Variants in KALRN observed in about 807,000 individuals in gnomAD.
The protein encoded by KALRN is kalirin.
In KALRN, 70 loss-of-function variants were observed where a neutral mutation model predicts 353.7. The observed-to-expected ratio is 0.20, with a 90% CI of 0.16 to 0.24. The LOEUF (loss-of-function observed/expected upper bound fraction) is 0.24, where lower values mean the gene tolerates loss of function less well. Among genes scored for constraint, KALRN ranks in the 10% least tolerant of loss-of-function variants. KALRN has a pLI of 1.00. For synonymous variants in KALRN, 1,391 were observed against 1,434.8 expected (o/e 0.97, Z 0.69); for missense variants, 2,791 against 3,756.7 (o/e 0.74, Z 6.72).
intron 57 of KALRN, among the ~76,000 whole-genome samples, chr3:124,706,953 T>C (rs1233836017): frequency 3.9e-5 from 6 of 152,166 alleles, no homozygotes; most frequent in Non-Finnish European, 8.8e-5. Context: ...CTGTAGCCTT[T>C]ATCTCCCACT....
chr3:124,567,183 T>C (rs1295278637), intron 34 of KALRN, among the ~76,000 whole-genome samples: 1 of 152,084 alleles, frequency 6.6e-6, no homozygotes, highest in Non-Finnish European at 1.5e-5. Flanking sequence ...GTCAGTATTT[T>C]TAAGTGTTCC....
intron 1 of KALRN, among the ~76,000 whole-genome samples, chr3:124,069,354 AGGAGGAGG>A (rs1559899907): frequency 7.0e-6 from 1 of 142,038 alleles, no homozygotes; most frequent in Non-Finnish European, 1.6e-5. Context: ...GAGGAGGAGG[AGGAGGAGG>A]AGGAGGAGGA....
At chr3:124,210,643 C>T (rs1159608639) in intron 1 of KALRN, among the ~76,000 whole-genome samples, 1 of 152,108 alleles carries the variant, frequency 6.6e-6, no homozygotes, top group African/African-American at 2.4e-5. Flanking sequence ...GAAAAAAACA[C>T]AAAGGGAACT....
intron 32 of KALRN, among the ~76,000 whole-genome samples, chr3:124,496,018 C>CATATATATATATATATATATATAT (rs1418213646): frequency 3.0e-5 from 1 of 33,848 alleles, no homozygotes; most frequent in African/African-American, 1.6e-4. Context: ...TATATACACA[C>CATATATATATATATATATATATAT]ACATATATAC....
At chr3:124,476,275 G>A (rs1446982902) in intron 26 of KALRN, among the ~76,000 whole-genome samples, 1 of 150,928 alleles carries the variant, frequency 6.6e-6, no homozygotes, top group Non-Finnish European at 1.5e-5. Context: ...GCTTAGTTAA[G>A]TGACTTTGAA....
chr3:124,670,519 A>T (rs2086276891), intron 47 of KALRN, among the ~76,000 whole-genome samples: 1 of 151,888 alleles, frequency 6.6e-6, no homozygotes, highest in South Asian at 2.1e-4. Context: ...AGATGTGTGC[A>T]GGCATCTCAG....
intron 3 of KALRN, among the ~76,000 whole-genome samples, chr3:124,243,883 T>C (rs10934660): frequency 0.28 from 42,812 of 152,162 alleles, 7,284 homozygotes; most frequent in Non-Finnish European, 0.37. Flanking sequence ...GGCAGTTTCT[T>C]TCCCTTCCCT....
chr3:124,533,389 C>T (rs2068225405), intron 33 of KALRN, among the ~76,000 whole-genome samples: 1 of 152,042 alleles, frequency 6.6e-6, no homozygotes, highest in Non-Finnish European at 1.5e-5. Flanking sequence ...TGTCTATAGT[C>T]CTAGCACTTT....
chr3:124,404,353 C>G (rs1395220278), intron 13 of KALRN, among the ~76,000 whole-genome samples: 1 of 152,072 alleles, frequency 6.6e-6, no homozygotes, highest in African/African-American at 2.4e-5. Flanking sequence ...TATATATCCT[C>G]TATTTTATTC....
At chr3:124,474,853 A>G in intron 26 of KALRN, 121 bp downstream of exon 26, 2 of 795,982 alleles carry the variant, frequency 2.5e-6, no homozygotes, top group South Asian at 1.4e-5. Flanking sequence ...GAGAGGGACC[A>G]TGAGTAGGTC....
chr3:124,310,692 G>A (rs1347693199), intron 6 of KALRN, among the ~76,000 whole-genome samples: 2 of 152,018 alleles, frequency 1.3e-5, no homozygotes, highest in Non-Finnish European at 2.9e-5. Flanking sequence ...AATGGTGCTG[G>A]GACAACTGGA....
Position 124,153,242 on chromosome 3 carries a change from T to C in KALRN, c.74-74748T>C, listed in dbSNP as rs1006932549. Among the ~76,000 whole-genome samples, 156 of 146,932 alleles carry C rather than the reference T, an allele frequency of 1.1e-3. 1 individual carries two copies. Among genetic ancestry groups the C allele is most frequent in the Non-Finnish European group, 1.3e-3 (89 of 66,260 alleles). Reference sequence around the variant, plus strand: ...TTAACTCATCATTTAGCATTAGGTATATCTCCTAATGCTATCCCTCCCCCC... The same window carrying C: ...TTAACTCATCATTTAGCATTAGGTACATCTCCTAATGCTATCCCTCCCCCC... On this transcript the variant is annotated intron_variant, in intron 1 of 59. Transcript: ENST00000682506.
chr3:124,045,090 G>A (rs1195519353), intron 1 of KALRN, among the ~76,000 whole-genome samples: 1 of 152,078 alleles, frequency 6.6e-6, no homozygotes, highest in East Asian at 1.9e-4. Flanking sequence ...TCTATGGGGT[G>A]GGGGCACAAT....
At chr3:124,479,716 ATTTTTTTTTT>A (rs142639039) in intron 27 of KALRN, among the ~76,000 whole-genome samples, 4 of 86,808 alleles carry the variant, frequency 4.6e-5, no homozygotes, top group South Asian at 4.6e-4. Flanking sequence ...ACGATCCAGA[ATTTTTTTTTT>A]TTTTTTTTTT....
At chr3:124,690,369 G>GA (rs147478802) in intron 51 of KALRN, among the ~76,000 whole-genome samples, 1,531 of 152,148 alleles carry the variant, frequency 0.01, 20 homozygotes, top group African/African-American at 0.034. Context: ...AGAAGAAAGA[G>GA]AAAAAATGAG....
At chr3:124,349,047 C>T (rs992119188) in intron 10 of KALRN, among the ~76,000 whole-genome samples, 1 of 152,270 alleles carries the variant, frequency 6.6e-6, no homozygotes, top group Middle Eastern at 3.4e-3. Context: ...CACCCATTTT[C>T]ACAATATTCA....
chr3:124,655,358 G>A (rs954677357), intron 38 of KALRN, among the ~76,000 whole-genome samples: 2 of 152,164 alleles, frequency 1.3e-5, no homozygotes, highest in Admixed American at 6.5e-5. Context: ...GGTACTGAGC[G>A]TCATTTTTCG....
At chr3:124,709,937 G>A (rs2062812094) in intron 57 of KALRN, among the ~76,000 whole-genome samples, 1 of 152,174 alleles carries the variant, frequency 6.6e-6, no homozygotes, top group African/African-American at 2.4e-5. Context: ...TGAGGAAAAG[G>A]GGTCATGAAG....
At chr3:124,198,914 C>G (rs1407108894) in intron 1 of KALRN, among the ~76,000 whole-genome samples, 3 of 152,168 alleles carry the variant, frequency 2.0e-5, no homozygotes, top group Non-Finnish European at 2.9e-5. Context: ...CATGGGGCCT[C>G]AGCCAGAATC....
Sources: gnomAD v4.1 joint callset for allele counts (sites outside exome capture counted in the v4.1 genomes callset) on GRCh38, gnomAD v4.1.1 for gene constraint, MANE v1.5 for transcripts, NCBI Gene and HGNC (gene_info 2026-07-23, HGNC 2026-07-21) for gene names.